Variants in TENM2 observed in about 807,000 individuals in gnomAD.
The protein encoded by TENM2 is teneurin transmembrane protein 2.
In TENM2, 52 loss-of-function variants were observed where a neutral mutation model predicts 245.2. The observed-to-expected ratio is 0.21, with a 90% CI of 0.17 to 0.27. The LOEUF is 0.27. Among genes scored for constraint, TENM2 ranks in the 10% least tolerant of loss-of-function variants. TENM2 has a pLI of 1.00. For missense variants in TENM2, 3,046 were observed against 3,666.8 expected, an observed-to-expected ratio of 0.83 and a Z score of 4.37; for synonymous variants, 1,363 against 1,438.9, an observed-to-expected ratio of 0.95 and a Z score of 1.19.
intron 4 of TENM2, among the ~76,000 whole-genome samples, chr5:167,981,422 G>A (rs62383376): frequency 0.033 from 5,100 of 152,286 alleles, 133 homozygotes; most frequent in South Asian, 0.059. Flanking sequence ...TTTTGGTCAT[G>A]CTAAACTTGA....
At chr5:167,948,829 G>T (rs1043500069) in intron 3 of TENM2, 3 of 152,158 alleles carry the variant, frequency 2.0e-5, no homozygotes, top group African/African-American at 7.2e-5. Context: ...GGACATGAGG[G>T]TTCCTTCATC....
chr5:167,855,518 C>T (rs1318266257), intron 2 of TENM2, among the ~76,000 whole-genome samples: 1 of 151,782 alleles, frequency 6.6e-6, no homozygotes, highest in African/African-American at 2.4e-5. Context: ...TGTTGATTGC[C>T]CCTTCTCTAC....
the TENM2 span, among the ~76,000 whole-genome samples, chr5:167,086,151 G>C: frequency 6.6e-6 from 1 of 152,146 alleles, no homozygotes; most frequent in Non-Finnish European, 1.5e-5. Flanking sequence ...GTCACAGCTA[G>C]ACCACCCTCA....
At chr5:167,349,318 C>T (rs1458047583) in intron 1 of TENM2, among the ~76,000 whole-genome samples, 3 of 152,210 alleles carry the variant, frequency 2.0e-5, no homozygotes, top group South Asian at 2.1e-4. Flanking sequence ...CTATTATTAT[C>T]CTTATTTTAT....
chr5:167,011,585 A>G, the TENM2 span, among the ~76,000 whole-genome samples: 1 of 152,226 alleles, frequency 6.6e-6, no homozygotes, highest in African/African-American at 2.4e-5. Flanking sequence ...TTAAGCTCAG[A>G]TAGGGCACAA....
chr5:168,044,099 A>T (rs1788413901), intron 5 of TENM2, among the ~76,000 whole-genome samples: 1 of 152,188 alleles, frequency 6.6e-6, no homozygotes, highest in South Asian at 2.1e-4. Context: ...TAGAATGTCT[A>T]CTATGGTACC....
chr5:167,194,505 A>G, the TENM2 span, among the ~76,000 whole-genome samples: 2 of 152,024 alleles, frequency 1.3e-5, no homozygotes, highest in Admixed American at 6.6e-5. Context: ...GGTAGCATGC[A>G]GAGTTACAGA....
intron 4 of TENM2, among the ~76,000 whole-genome samples, chr5:167,982,241 A>G (rs1039980250): frequency 2.0e-5 from 3 of 152,182 alleles, no homozygotes; most frequent in African/African-American, 4.8e-5. Flanking sequence ...TGCTTCTGAC[A>G]TTTTGAAAGT....
chr5:167,853,019 G>A (rs931593397), intron 2 of TENM2, among the ~76,000 whole-genome samples: 34 of 149,144 alleles, frequency 2.3e-4, no homozygotes, highest in African/African-American at 7.9e-4. Context: ...AGGCGCGGTG[G>A]CTCACTCCTG....
the TENM2 span, among the ~76,000 whole-genome samples, chr5:167,223,912 G>T: frequency 6.6e-6 from 1 of 151,972 alleles, no homozygotes; most frequent in African/African-American, 2.4e-5. Context: ...ATCTCTTTGT[G>T]GTTTTGATTC....
At chr5:167,652,757 G>A (rs1754563128) in intron 2 of TENM2, among the ~76,000 whole-genome samples, 1 of 152,064 alleles carries the variant, frequency 6.6e-6, no homozygotes, top group Non-Finnish European at 1.5e-5. Context: ...TACTGCCACA[G>A]TCGTCACTCA....
chr5:167,584,768 C>T (rs866716739), intron 2 of TENM2, among the ~76,000 whole-genome samples: 3 of 151,564 alleles, frequency 2.0e-5, no homozygotes, highest in African/African-American at 2.4e-5. Flanking sequence ...AATCTCGGCT[C>T]ACTGCAAGCT....
At chr5:167,004,169 G>A in the TENM2 span, among the ~76,000 whole-genome samples, 1 of 152,136 alleles carries the variant, frequency 6.6e-6, no homozygotes, top group Non-Finnish European at 1.5e-5. Context: ...GATCCAGTTT[G>A]TTGTATTCAA....
intron 2 of TENM2, among the ~76,000 whole-genome samples, chr5:167,803,100 A>T (rs536573771): frequency 3.3e-5 from 5 of 152,288 alleles, no homozygotes; most frequent in African/African-American, 1.2e-4. Context: ...GTAGCAAATC[A>T]ATAATTGGCC....
rs1766695129 is a variant in TENM2, at chr5:168,247,532, C to T, written c.6593C>T (p.Thr2198Ile). Residue 2198 changes from threonine (T) to isoleucine (I), a missense_variant, in exon 27 of 29, where the codon ACC becomes ATC. Coordinates refer to ENST00000518659, the Ensembl canonical transcript of TENM2. The surrounding 1 kb of genome is among the most constrained non-coding windows in gnomAD (Gnocchi z 7.8). The stretch of plus-strand genomic sequence containing the variant: ...CTAAAACTGGGGCCCTATGCCAATA[C>T]CACGAAGTACACCTATGACTACGAT... 1.2e-6 allele frequency: 2 copies of T among 1,612,982 alleles called. No individual in the cohort carries two copies. Among genetic ancestry groups the T allele is most frequent in the Non-Finnish European group, 1.7e-6 (2 of 1,179,124 alleles).
chr5:167,923,157 C>G (rs2151647388), intron 3 of TENM2, among the ~76,000 whole-genome samples: 1 of 152,246 alleles, frequency 6.6e-6, no homozygotes, highest in Middle Eastern at 3.4e-3. Flanking sequence ...AACCCCATCT[C>G]TACTAAAAAT....
chr5:167,500,579 T>C (rs989786883), intron 2 of TENM2, among the ~76,000 whole-genome samples: 1 of 152,154 alleles, frequency 6.6e-6, no homozygotes, highest in Non-Finnish European at 1.5e-5. Context: ...AAGAACTGCC[T>C]GATAAGGGAG....
rs149535943 is a variant in TENM2, at chr5:168,124,047, T to C, written c.2009-803T>C. ...TTACGTACTGGATGTATATCCACTC[T>C]ATTAAGATGGCCAAACAATCAGACA... On this transcript the variant is annotated intron_variant, in intron 10 of 28. Coordinates refer to ENST00000518659, the Ensembl canonical transcript of TENM2. 1.6e-4 allele frequency among the ~76,000 whole-genome samples: 24 copies of C among 152,326 alleles called. 2 individuals are homozygous for C. The East Asian group carries it at 4.4e-3, about 28-fold the overall frequency.
At chr5:167,244,952 G>GA in the TENM2 span, among the ~76,000 whole-genome samples, 79 of 144,320 alleles carry the variant, frequency 5.5e-4, no homozygotes, top group East Asian at 5.0e-3. Flanking sequence ...ATGACCAAAA[G>GA]AAAAAAAAAA....
Sources: gnomAD v4.1 joint callset for allele counts (sites outside exome capture counted in the v4.1 genomes callset) on GRCh38, gnomAD v4.1.1 for gene constraint, Gnocchi (gnomAD v3.1) non-coding constraint, MANE v1.5 for transcripts, NCBI Gene and HGNC (gene_info 2026-07-23, HGNC 2026-07-21) for gene names.